The following LYPD5 variants were observed in gnomAD, a reference collection of about 807,000 sequenced individuals.
LYPD5 encodes ly6/PLAUR domain-containing protein 5.
LYPD5 carries 21 observed loss-of-function variants against 19.1 expected under a neutral mutation model. The observed-to-expected ratio is 1.10, with a 90% CI of 0.78 to 1.58. The LOEUF is 1.58. Among genes scored for constraint, LYPD5 ranks in the 40% most tolerant of loss-of-function variants. The pLI is 0.00. For missense variants in LYPD5, 287 were observed against 329.8 expected, an observed-to-expected ratio of 0.87 and a Z score of 1.00; for synonymous variants, 128 against 142.7, an observed-to-expected ratio of 0.90 and a Z score of 0.74.
intron 1 of LYPD5, 118 bp from the exon 2 acceptor site, chr19:43,799,952 C>T: frequency 7.9e-7 from 1 of 1,272,916 alleles, no homozygotes; most frequent in Non-Finnish European, 1.1e-6. Context: ...CCAGGGAAGA[C>T]ACGCCTTGAG....
chr19:43,817,091 C>T (rs1970381068), intron 1 of LYPD5, among the ~76,000 whole-genome samples: 1 of 152,178 alleles, frequency 6.6e-6, no homozygotes, highest in African/African-American at 2.4e-5. Context: ...AACTCAGAGG[C>T]TTGAAATTAC....
intron 1 of LYPD5, among the ~76,000 whole-genome samples, chr19:43,813,458 CCTT>C (rs1226619927): frequency 2.6e-5 from 4 of 152,132 alleles, no homozygotes. Flanking sequence ...AGCCAAATAA[CCTT>C]CTTTCCTTAT....
chr19:43,809,328 C>A (rs1404701128), intron 1 of LYPD5, among the ~76,000 whole-genome samples: 1 of 151,762 alleles, frequency 6.6e-6, no homozygotes, highest in Non-Finnish European at 1.5e-5. Flanking sequence ...TGAGCCACTG[C>A]ACCTGACCGG....
chr19:43,800,448 C>T (rs536561343), intron 1 of LYPD5, among the ~76,000 whole-genome samples: 2 of 152,280 alleles, frequency 1.3e-5, no homozygotes, highest in East Asian at 3.9e-4. Context: ...AACTAAGGCA[C>T]AGCACTTCAC....
chr19:43,800,605 G>A (rs1970210021), intron 1 of LYPD5, among the ~76,000 whole-genome samples: 1 of 152,038 alleles, frequency 6.6e-6, no homozygotes, highest in Admixed American at 6.6e-5. Context: ...TAAAACCAGA[G>A]GCCACAATTA....
chr19:43,819,025 CTTAATA>C (rs1005147926), intron 1 of LYPD5, among the ~76,000 whole-genome samples: 1 of 151,994 alleles, frequency 6.6e-6, no homozygotes, highest in African/African-American at 2.4e-5. Context: ...CTTTTTCTTT[CTTAATA>C]TTATTTGTGC....
chr19:43,812,374 TATCA>T (rs761093495), intron 1 of LYPD5, among the ~76,000 whole-genome samples: 2,790 of 124,766 alleles, frequency 0.022, 54 homozygotes, highest in African/African-American at 0.049. Flanking sequence ...TCTATCTATC[TATCA>T]ATCTATCATC....
At chr19:43,808,808 C>T (rs1423257459) in intron 1 of LYPD5, among the ~76,000 whole-genome samples, 3 of 152,188 alleles carry the variant, frequency 2.0e-5, no homozygotes, top group Non-Finnish European at 2.9e-5. Flanking sequence ...CCTTGATAGA[C>T]ATCGAATAAG....
At chr19:43,815,113 A>G (rs1470871875) in intron 1 of LYPD5, among the ~76,000 whole-genome samples, 2 of 152,210 alleles carry the variant, frequency 1.3e-5, no homozygotes, top group African/African-American at 2.4e-5. Context: ...CATGTGGCTC[A>G]GGGACAGGGA....
chr19:43,808,659 T>C (rs1357806676), intron 1 of LYPD5, among the ~76,000 whole-genome samples: 2 of 152,356 alleles, frequency 1.3e-5, no homozygotes, highest in Admixed American at 6.5e-5. Flanking sequence ...CAATAATTAA[T>C]GGATCTGTGC....
chr19:43,805,627 C>T (rs148758584), upstream of LYPD5, among the ~76,000 whole-genome samples: 1,508 of 152,334 alleles, frequency 9.9e-3, 26 homozygotes, highest in African/African-American at 0.035. Flanking sequence ...CCTGCCTCAG[C>T]CTCCCAAGTA....
intron 1 of LYPD5, among the ~76,000 whole-genome samples, chr19:43,811,747 A>AAAGG (rs1555729167): frequency 7.9e-6 from 1 of 126,964 alleles, no homozygotes; most frequent in Non-Finnish European, 1.6e-5. Flanking sequence ...GGAAGGAAGG[A>AAAGG]AGGGAGGGAG....
intron 1 of LYPD5, among the ~76,000 whole-genome samples, chr19:43,807,909 C>T (rs1372368311): frequency 1.3e-5 from 2 of 152,224 alleles, no homozygotes; most frequent in Non-Finnish European, 2.9e-5. Context: ...TGGCAAATCA[C>T]AGCATCCACC....
chr19:43,798,567 G>T lies in LYPD5; in HGVS notation c.405C>A (p.Cys135Ter). 1 of 1,611,388 alleles carries T rather than the reference G, an allele frequency of 6.2e-7. No individual in the cohort carries two copies. Residue 135 changes from cysteine to a stop codon, truncating the protein, a stop_gained, in exon 4 of 5, where the codon TGC (cysteine) becomes TGA (stop). Coordinates refer to ENST00000377950, the MANE Select transcript of LYPD5 (RefSeq NM_001031749.3). LOFTEE classifies it high-confidence loss of function. ...PDPPTLSGAE[C>*]YACIGVHQDD... ...CCTGGTGGACCCCGATACAGGCGTA[G>T]CACTCGGCGCCGCTGAGCGTCGGCG...
exon 1 of LYPD5, chr19:43,820,598 T>C (rs1191372489): frequency 6.6e-6 from 1 of 152,262 alleles, no homozygotes; most frequent in Non-Finnish European, 1.5e-5. Flanking sequence ...CCTGCTTCGA[T>C]GTCTCCTTCC....
chr19:43,798,645 G>C (rs765732252), intron 3 of LYPD5, 44 bp from the exon 4 acceptor site: 3 of 1,608,666 alleles, frequency 1.9e-6, no homozygotes, highest in South Asian at 2.2e-5. Flanking sequence ...TGGTACCCTG[G>C]CACAGTCGTG....
In LYPD5 at chr19:43,812,712, A is replaced by G. The variant is rs146135391; in HGVS notation, c.-66+7828T>C. ...TTAAAAACATTCATTTTTACCCACA[A>G]GGAAATCGTAGGTTTGAGCCACAAC... is the stretch of plus-strand genomic sequence containing the variant. On this transcript the variant is annotated intron_variant, in intron 1 of 4. Transcript: ENST00000414615. 2.4e-3 allele frequency among the ~76,000 whole-genome samples: 373 copies of G among 152,340 alleles called. 2 individuals are homozygous for G. The highest frequency in any genetic ancestry group is 8.4e-3 in the African/African-American group (348 of 41,570).
upstream of LYPD5, chr19:43,802,497 A>C: frequency 2.3e-6 from 2 of 864,256 alleles, no homozygotes; most frequent in African/African-American, 1.7e-5. Context: ...TCTTCGTCCC[A>C]CCCTCCCTAT....
rs770845104 is a variant in LYPD5, at chr19:43,798,611, G to A, written c.371-10C>T. On this transcript the variant is annotated splice_polypyrimidine_tract_variant and intron_variant, in intron 3 of 4. Coordinates refer to ENST00000377950, the MANE Select transcript of LYPD5 (RefSeq NM_001031749.3). ...GTCGGCGGGTCGGGTGCTGGCAAGA[G>A]AGCGTAGATGCACACTCAGGCAGTG... 6.2e-7 allele frequency: 1 copy of A among 1,609,836 alleles called. No individual in the cohort carries two copies. Among genetic ancestry groups the A allele is most frequent in the Non-Finnish European group, 8.5e-7 (1 of 1,179,998 alleles).
Sources: allele counts gnomAD v4.1 joint callset (sites outside exome capture counted in the v4.1 genomes callset), GRCh38; gene constraint gnomAD v4.1.1; transcripts MANE v1.5; gene names NCBI Gene and HGNC (gene_info 2026-07-23, HGNC 2026-07-21).